Variants in IPO9 observed in about 807,000 individuals in gnomAD.
IPO9 encodes the protein importin-9.
Under a neutral mutation model 128.6 loss-of-function variants are expected in IPO9, and 28 were observed. The observed-to-expected ratio is 0.22, with a 90% CI of 0.16 to 0.30. The LOEUF (loss-of-function observed/expected upper bound fraction) is 0.30, where lower values mean the gene tolerates loss of function less well. IPO9 is among the 10% of genes least tolerant of loss of function. IPO9 has a pLI of 1.00. For missense variants in IPO9, 935 were observed against 1,293.9 expected, an observed-to-expected ratio of 0.72 and a Z score of 4.26; for synonymous variants, 455 against 475.8, an observed-to-expected ratio of 0.96 and a Z score of 0.57.
At chr1:201,859,307 C>G (rs1680396720) in intron 13 of IPO9, among the ~76,000 whole-genome samples, 1 of 151,238 alleles carries the variant, frequency 6.6e-6, no homozygotes, top group Non-Finnish European at 1.5e-5. Context: ...TGTTTGCACC[C>G]TACAGCTTGA....
chr1:201,868,509 C>G, intron 15 of IPO9, 139 bp from the exon 16 acceptor site: 1 of 786,882 alleles, frequency 1.3e-6, no homozygotes, highest in Non-Finnish European at 1.9e-6. Context: ...CATGTGGCCC[C>G]ACTAGGTCCC....
chr1:201,876,810 A>G lies in IPO9; in HGVS notation c.*756A>G, dbSNP rs932114252. ...TTTTTTAAATCCACCTGACCCAACT[A>G]TATTTAATATGCCTCTCCCACACAT... On this transcript the variant is annotated 3_prime_UTR_variant, in exon 24 of 24. Coordinates refer to ENST00000361565, the MANE Select transcript of IPO9 (RefSeq NM_018085.5). 4.6e-5 allele frequency: 7 copies of G among 152,426 alleles called. No individual in the cohort carries two copies. The highest frequency in any genetic ancestry group is 8.8e-5 in the Non-Finnish European group (6 of 68,116). 9.4% of individuals were successfully genotyped at this position (152,426 alleles called of 1,614,324 possible).
In IPO9 at chr1:201,863,685, A is replaced by G. The variant is rs115982464; in HGVS notation, c.1628+78A>G. 2.0e-3 allele frequency: 2,656 copies of G among 1,320,078 alleles called. 44 individuals carry two copies. The African/African-American group carries it at 0.033, about 16-fold the overall frequency. 81.8% of individuals were successfully genotyped at this position (1,320,078 alleles called of 1,614,324 possible). On this transcript the variant is annotated intron_variant, in intron 14 of 23. Transcript: ENST00000361565. ...ATAACAAATCACAGTTTTCCAGTGT[A>G]TTATGTTGCTTGGAAATCCCTGCTA...
chr1:201,863,072 C>T (rs751244480), intron 13 of IPO9, among the ~76,000 whole-genome samples: 33 of 151,740 alleles, frequency 2.2e-4, no homozygotes, highest in Non-Finnish European at 4.1e-4. Context: ...AATGGAGGGC[C>T]GGATGCGGTG....
At chr1:201,863,287 G>A (rs1680484228) in intron 13 of IPO9, 161 bp from the exon 14 acceptor site, 5 of 542,770 alleles carry the variant, frequency 9.2e-6, no homozygotes, top group Non-Finnish European at 1.6e-5. Flanking sequence ...GGGGGACGGA[G>A]GTTGCAGTGA....
intron 23 of IPO9, among the ~76,000 whole-genome samples, chr1:201,875,549 C>G (rs1055637996): frequency 6.0e-5 from 9 of 151,134 alleles, no homozygotes; most frequent in Non-Finnish European, 8.8e-5. Flanking sequence ...GTGATCATAC[C>G]ACTGCACTCG....
In IPO9 at chr1:201,866,854, A is replaced by G; in HGVS notation, c.1750A>G (p.Met584Val). The change falls in exon 15 of 24, where the codon ATG (methionine) becomes GTG (valine). Residue 584 changes from methionine (M) to valine (V), a missense_variant. By Grantham distance (21) the Met-to-Val change is conservative. Transcript: ENST00000361565. ...QFSSEVLNLV[M>V]ETLCIVCTVD... ...CAGCTCAGAGGTCCTCAACCTGGTGATGGAGACCCTGTGCATCGTTTGTAC... is the reference window on the plus strand; with the variant it reads ...CAGCTCAGAGGTCCTCAACCTGGTGGTGGAGACCCTGTGCATCGTTTGTAC... 6.2e-7 allele frequency: 1 copy of G among 1,614,176 alleles called. No individual in the cohort carries two copies. The highest frequency in any genetic ancestry group is 8.5e-7 in the Non-Finnish European group (1 of 1,180,028).
At chr1:201,874,027 T>C (rs528688090) in intron 20 of IPO9, among the ~76,000 whole-genome samples, 15 of 152,320 alleles carry the variant, frequency 9.8e-5, no homozygotes, top group African/African-American at 3.1e-4. Context: ...CTGTATCTCC[T>C]TTAATCCCTG....
chr1:201,858,421 A>AT (rs1429110357), intron 11 of IPO9, 26 bp from the exon 12 acceptor site: 27 of 1,299,250 alleles, frequency 2.1e-5, no homozygotes, highest in Non-Finnish European at 2.8e-5. Flanking sequence ...GCACAAACAG[A>AT]TTTATTAGCT....
intron 1 of IPO9, among the ~76,000 whole-genome samples, chr1:201,845,121 A>G (rs1206545676): frequency 6.6e-6 from 1 of 152,108 alleles, no homozygotes; most frequent in East Asian, 1.9e-4. Flanking sequence ...GGTTCAATTA[A>G]TTCTCCTGCC....
At position 201,866,746 on chromosome 1, in the gene IPO9, C is replaced by A. The variant is rs199720434; in HGVS notation, c.1642C>A (p.Leu548Met). ...VRAIWGYCDQ[L>M]KVSESTHVLQ... Reference sequence around the variant, plus strand: ...ATCTCTCTCTAGTTATTGTGACCAACTGAAAGTCTCAGAGAGTACCCACGT... The same window carrying A: ...ATCTCTCTCTAGTTATTGTGACCAAATGAAAGTCTCAGAGAGTACCCACGT... The change falls in exon 15 of 24, where the codon CTG (leucine) becomes ATG (methionine). Residue 548 changes from leucine to methionine, a missense_variant. By Grantham distance (15) the Leu-to-Met change is conservative (BLOSUM62 2). This residue lies in a region of IPO9 where 741 missense variants were observed against 1,019.1 expected (regional missense o/e 0.73). Coordinates refer to ENST00000361565, the MANE Select transcript of IPO9 (RefSeq NM_018085.5). 4.3e-5 allele frequency: 70 copies of A among 1,613,430 alleles called. No individual in the cohort carries two copies. The highest frequency in any genetic ancestry group is 1.0e-4 in the Admixed American group (6 of 59,970).
Position 201,858,845 on chromosome 1 carries a change from C to T in IPO9, c.1329-10C>T. On this transcript the variant is annotated splice_polypyrimidine_tract_variant and intron_variant, in intron 12 of 23. Transcript: ENST00000361565. Reference sequence around the variant, plus strand: ...AGTATGTTTTACTAGGCTGTAGTATCCTTTCACAGGTGGAAGATCCATGAG... The same window carrying T: ...AGTATGTTTTACTAGGCTGTAGTATTCTTTCACAGGTGGAAGATCCATGAG... 1 of 1,590,358 alleles carries T rather than the reference C, an allele frequency of 6.3e-7. No homozygotes were observed. The highest frequency in any genetic ancestry group is 8.6e-7 in the Non-Finnish European group (1 of 1,160,634).
At chr1:201,871,044 C>A in intron 18 of IPO9, 117 bp from the exon 19 acceptor site, 2 of 1,274,268 alleles carry the variant, frequency 1.6e-6, no homozygotes, top group Non-Finnish European at 2.2e-6. Context: ...GTTTTCTTGT[C>A]CTGTGGATAA....
chr1:201,855,517 T>G (rs1389042840), intron 9 of IPO9, among the ~76,000 whole-genome samples: 2 of 152,236 alleles, frequency 1.3e-5, no homozygotes, highest in Non-Finnish European at 2.9e-5. Flanking sequence ...TTAACATTTC[T>G]CATTATTTCA....
At chr1:201,869,529 G>A (rs1231207138) in intron 16 of IPO9, 61 bp from the exon 17 acceptor site, 1 of 1,593,648 alleles carries the variant, frequency 6.3e-7, no homozygotes. Context: ...AAGGATCTTG[G>A]TTGTTGGGCA....
At chr1:201,848,713 C>G (rs932770752) in intron 4 of IPO9, 119 bp downstream of exon 4, 2 of 951,356 alleles carry the variant, frequency 2.1e-6, no homozygotes, top group African/African-American at 3.3e-5. Context: ...GTTATTCCTC[C>G]CTCCTAGTTT....
At chr1:201,867,881 C>T (rs1333900487) in intron 15 of IPO9, among the ~76,000 whole-genome samples, 1 of 152,038 alleles carries the variant, frequency 6.6e-6, no homozygotes, top group Non-Finnish European at 1.5e-5. Context: ...TACTGAGGAG[C>T]TTTCCACATT....
chr1:201,833,275 G>T (rs545353530), intron 1 of IPO9, among the ~76,000 whole-genome samples: 152 of 149,148 alleles, frequency 1.0e-3, no homozygotes, highest in Non-Finnish European at 1.6e-3. Flanking sequence ...GTCTCGCTCT[G>T]TCACCCAGGC....
intron 13 of IPO9, among the ~76,000 whole-genome samples, chr1:201,860,335 CCAGAGCT>C (rs1680420745): frequency 6.6e-6 from 1 of 152,192 alleles, no homozygotes; most frequent in African/African-American, 2.4e-5. Flanking sequence ...GGTTGTACAT[CCAGAGCT>C]CAGATGCGTT....
Sources: gnomAD v4.1 joint callset for allele counts (sites outside exome capture counted in the v4.1 genomes callset) on GRCh38, gnomAD v4.1.1 for gene constraint, gnomAD v4.1.1 regional missense constraint, MANE v1.5 for transcripts, NCBI Gene and HGNC (gene_info 2026-07-23, HGNC 2026-07-21) for gene names.